Variants in GPC5 observed in about 807,000 individuals in gnomAD.
The protein encoded by GPC5 is glypican 5.
GPC5 carries 47 observed loss-of-function variants against 53.9 expected under a neutral mutation model. The ratio of observed to expected loss-of-function variants is 0.87; its 90% confidence interval spans 0.69 to 1.11. The LOEUF is 1.11. Among genes scored for constraint, GPC5 ranks in the 50% most tolerant of loss-of-function variants. GPC5 has a pLI of 0.00. For synonymous variants in GPC5, 286 were observed against 263.3 expected (o/e 1.09, Z -0.84); for missense variants, 748 against 713.1 (o/e 1.05, Z -0.56).
intron 6 of GPC5, among the ~76,000 whole-genome samples, chr13:92,129,415 C>G (rs558590930): frequency 6.6e-6 from 1 of 152,306 alleles, no homozygotes; most frequent in South Asian, 2.1e-4. Flanking sequence ...CTAACATTAT[C>G]AGAATACTTC....
chr13:91,962,211 A>T (rs914594603), intron 6 of GPC5, among the ~76,000 whole-genome samples: 11 of 152,106 alleles, frequency 7.2e-5, no homozygotes, highest in Non-Finnish European at 1.5e-4. Context: ...TGTGCTGAAG[A>T]GCTCCTGGGT....
At chr13:91,571,865 GTGTA>G in intron 2 of GPC5, among the ~76,000 whole-genome samples, 1 of 122,292 alleles carries the variant, frequency 8.2e-6, no homozygotes, top group Non-Finnish European at 1.7e-5. Flanking sequence ...ATATACGTGT[GTGTA>G]TATATACACA....
intron 6 of GPC5, among the ~76,000 whole-genome samples, chr13:91,946,959 T>C (rs1270169975): frequency 3.9e-5 from 6 of 152,210 alleles, no homozygotes; most frequent in Non-Finnish European, 4.4e-5. Flanking sequence ...TTCTGAATTC[T>C]TGTGTCTTAC....
chr13:91,507,048 A>C (rs1431913510), intron 2 of GPC5, among the ~76,000 whole-genome samples: 2 of 152,166 alleles, frequency 1.3e-5, no homozygotes, highest in African/African-American at 4.8e-5. Context: ...TAGATTTTCA[A>C]ATATGTGTAT....
At chr13:92,101,685 T>C (rs2041468564) in intron 6 of GPC5, among the ~76,000 whole-genome samples, 1 of 152,182 alleles carries the variant, frequency 6.6e-6, no homozygotes, top group African/African-American at 2.4e-5. Context: ...ATATGCAAAA[T>C]CAATAATTAC....
intron 2 of GPC5, among the ~76,000 whole-genome samples, chr13:91,561,335 T>C (rs140772652): frequency 6.6e-6 from 1 of 152,270 alleles, no homozygotes; most frequent in African/African-American, 2.4e-5. Context: ...CACTTAACTC[T>C]ACCCCAATAG....
chr13:91,704,943 T>A (rs979775475), intron 3 of GPC5, among the ~76,000 whole-genome samples: 1 of 152,328 alleles, frequency 6.6e-6, no homozygotes, highest in East Asian at 1.9e-4. Flanking sequence ...AATAAAACTT[T>A]GCATTATTTG....
chr13:92,297,854 C>A (rs921786243), intron 7 of GPC5, among the ~76,000 whole-genome samples: 1 of 152,020 alleles, frequency 6.6e-6, no homozygotes, highest in African/African-American at 2.4e-5. Context: ...TTTGGGTCCA[C>A]GCTGCTTTTA....
intron 5 of GPC5, among the ~76,000 whole-genome samples, chr13:91,829,664 T>C (rs1189694499): frequency 6.6e-6 from 1 of 152,022 alleles, no homozygotes; most frequent in African/African-American, 2.4e-5. Flanking sequence ...TAGGTTCTTT[T>C]CTATTTTCCC....
chr13:92,538,640 G>C (rs2138998470), intron 7 of GPC5, among the ~76,000 whole-genome samples: 1 of 143,526 alleles, frequency 7.0e-6, no homozygotes, highest in Admixed American at 7.3e-5. Flanking sequence ...AGGCCCCGGT[G>C]TGTGATGTTC....
intron 7 of GPC5, among the ~76,000 whole-genome samples, chr13:92,428,002 T>A (rs1292380725): frequency 6.6e-6 from 1 of 152,168 alleles, no homozygotes; most frequent in Non-Finnish European, 1.5e-5. Flanking sequence ...GCCTGTATCA[T>A]TTTTTGTTTT....
intron 7 of GPC5, among the ~76,000 whole-genome samples, chr13:92,479,658 G>T (rs775975723): frequency 1.3e-5 from 2 of 152,118 alleles, no homozygotes; most frequent in Non-Finnish European, 2.9e-5. Context: ...GAAATTCAGG[G>T]CATAATCCTG....
intron 7 of GPC5, among the ~76,000 whole-genome samples, chr13:92,401,932 G>C (rs1246247024): frequency 6.6e-6 from 1 of 152,140 alleles, no homozygotes; most frequent in Admixed American, 6.5e-5. Context: ...ACAATGGCAA[G>C]CTTCCTAGGT....
intron 2 of GPC5, among the ~76,000 whole-genome samples, chr13:91,532,314 T>C (rs571247658): frequency 6.6e-6 from 1 of 152,326 alleles, no homozygotes; most frequent in South Asian, 2.1e-4. Context: ...CGAATGATTC[T>C]AAATGGAAAC....
intron 7 of GPC5, among the ~76,000 whole-genome samples, chr13:92,456,417 T>C (rs904476232): frequency 4.6e-5 from 7 of 152,196 alleles, no homozygotes; most frequent in African/African-American, 7.2e-5. Context: ...AGTTAATGAG[T>C]TGACATTAGC....
intron 7 of GPC5, among the ~76,000 whole-genome samples, chr13:92,727,437 G>A (rs1486594232): frequency 1.3e-5 from 2 of 151,396 alleles, no homozygotes; most frequent in Admixed American, 6.6e-5. Flanking sequence ...AGATGTTGAA[G>A]TTGTTCAAAA....
intron 5 of GPC5, among the ~76,000 whole-genome samples, chr13:91,904,257 A>G (rs2039530860): frequency 6.7e-6 from 1 of 148,358 alleles, no homozygotes; most frequent in Non-Finnish European, 1.5e-5. Context: ...TCACTGCAGC[A>G]TTAATCTCCT....
intron 7 of GPC5, among the ~76,000 whole-genome samples, chr13:92,150,866 G>A (rs2041902197): frequency 6.7e-6 from 1 of 149,094 alleles, no homozygotes; most frequent in Non-Finnish European, 1.5e-5. Context: ...AATGCTAAGT[G>A]TAACTATATG....
intron 6 of GPC5, among the ~76,000 whole-genome samples, chr13:92,028,133 G>A (rs948919646): frequency 5.9e-5 from 9 of 152,046 alleles, no homozygotes; most frequent in African/African-American, 9.7e-5. Context: ...GTTTTAATCC[G>A]TATTTCAAAA....
Sources: allele counts gnomAD v4.1 joint callset (sites outside exome capture counted in the v4.1 genomes callset), GRCh38; gene constraint gnomAD v4.1.1; transcripts MANE v1.5; gene names NCBI Gene and HGNC (gene_info 2026-07-23, HGNC 2026-07-21).